Variants in IL1RAPL1 observed in about 807,000 individuals in gnomAD.
IL1RAPL1 encodes interleukin 1 receptor accessory protein like 1, also known as interleukin-1 receptor accessory protein-like 1.
IL1RAPL1 carries 3 observed loss-of-function variants against 48.4 expected under a neutral mutation model. The observed-to-expected ratio is 0.06, with a 90% CI of 0.03 to 0.16. The LOEUF is 0.16. IL1RAPL1 is among the 10% of genes least tolerant of loss of function. IL1RAPL1 has a pLI of 1.00. For synonymous variants in IL1RAPL1, 185 were observed against 187.7 expected, an observed-to-expected ratio of 0.99 and a Z score of 0.12; for missense variants, 349 against 530.6, an observed-to-expected ratio of 0.66 and a Z score of 3.36.
intron 2 of IL1RAPL1, among the ~76,000 whole-genome samples, chrX:29,058,476 G>T (rs73210013): frequency 8.9e-6 from 1 of 111,871 alleles, no homozygotes; most frequent in Non-Finnish European, 1.9e-5. Context: ...ATTATGAATT[G>T]CAGTTCCAAT....
At chrX:29,600,099 T>C (rs951416224) in intron 5 of IL1RAPL1, among the ~76,000 whole-genome samples, 1 of 111,967 alleles carries the variant, frequency 8.9e-6, no homozygotes, top group Non-Finnish European at 1.9e-5. Context: ...AAGAACCTTG[T>C]TTTGTCATAT....
chrX:29,490,633 A>T (rs970368115), intron 5 of IL1RAPL1, among the ~76,000 whole-genome samples: 4 of 111,945 alleles, frequency 3.6e-5, no homozygotes, highest in African/African-American at 1.3e-4. Flanking sequence ...GCTACAAAAT[A>T]GGAAAGACAT....
intron 2 of IL1RAPL1, among the ~76,000 whole-genome samples, chrX:29,202,192 G>A (rs1223025443): frequency 8.9e-6 from 1 of 111,810 alleles, no homozygotes; most frequent in East Asian, 2.8e-4. Context: ...CTATAAAAAA[G>A]TGGGCAAAGG....
chrX:28,897,116 G>A (rs113013546), intron 2 of IL1RAPL1, among the ~76,000 whole-genome samples: 6 of 109,380 alleles, frequency 5.5e-5, no homozygotes, highest in African/African-American at 2.0e-4. Context: ...AGTGAAGGAG[G>A]CAAGCCCAGA....
intron 2 of IL1RAPL1, among the ~76,000 whole-genome samples, chrX:29,213,632 A>G (rs1341590622): frequency 8.9e-6 from 1 of 112,757 alleles, no homozygotes; most frequent in Non-Finnish European, 1.9e-5. Flanking sequence ...CACTTGAGCC[A>G]CAGATGCTTC....
intron 1 of IL1RAPL1, among the ~76,000 whole-genome samples, chrX:28,779,872 C>A (rs1322088410): frequency 1.9e-5 from 2 of 107,667 alleles, no homozygotes; most frequent in Admixed American, 2.0e-4. Context: ...GAACTTTTGT[C>A]AAAGTTTTAT....
At chrX:29,444,212 C>T (rs1334450069) in intron 5 of IL1RAPL1, among the ~76,000 whole-genome samples, 2 of 109,572 alleles carry the variant, frequency 1.8e-5, no homozygotes, top group Admixed American at 1.9e-4. Flanking sequence ...TATGGTGGTG[C>T]ACACCTGTAG....
intron 6 of IL1RAPL1, among the ~76,000 whole-genome samples, chrX:29,671,806 C>T (rs1349423039): frequency 8.9e-6 from 1 of 112,154 alleles, no homozygotes. Flanking sequence ...AGAGCATATT[C>T]TATCGCTACC....
chrX:29,654,147 T>G (rs1376712535), intron 5 of IL1RAPL1, among the ~76,000 whole-genome samples: 3 of 109,007 alleles, frequency 2.8e-5, no homozygotes, highest in Non-Finnish European at 5.7e-5. Context: ...TAAAGTAGCT[T>G]TTCAATTTAA....
At chrX:29,196,376 C>T (rs769000605) in intron 2 of IL1RAPL1, among the ~76,000 whole-genome samples, 2 of 112,232 alleles carry the variant, frequency 1.8e-5, no homozygotes, top group African/African-American at 6.5e-5. Context: ...AAGTTCACAT[C>T]CTTGTAAAGC....
At chrX:29,457,557 C>T (rs1274153663) in intron 5 of IL1RAPL1, among the ~76,000 whole-genome samples, 2 of 111,773 alleles carry the variant, frequency 1.8e-5, no homozygotes, top group African/African-American at 3.3e-5. Flanking sequence ...CCATGGTGTA[C>T]CACATTTTCT....
At chrX:29,718,553 T>C (rs867906945) in intron 6 of IL1RAPL1, among the ~76,000 whole-genome samples, 1 of 102,358 alleles carries the variant, frequency 9.8e-6, no homozygotes, top group Non-Finnish European at 2.0e-5. Flanking sequence ...CATGTATACC[T>C]ATGTAACAAA....
At chrX:29,809,776 CTT>C (rs200768948) in intron 6 of IL1RAPL1, among the ~76,000 whole-genome samples, 20 of 94,718 alleles carry the variant, frequency 2.1e-4, no homozygotes, top group Admixed American at 3.5e-4. Flanking sequence ...AAGTCGTTAA[CTT>C]TTTTTTTTTT....
chrX:29,031,988 C>T (rs1031175653), intron 2 of IL1RAPL1, among the ~76,000 whole-genome samples: 2 of 111,928 alleles, frequency 1.8e-5, no homozygotes, highest in African/African-American at 6.5e-5. Flanking sequence ...GTACTACCTA[C>T]GTACCCACCT....
chrX:29,558,738 A>AT (rs1922088166), intron 5 of IL1RAPL1, among the ~76,000 whole-genome samples: 1 of 111,524 alleles, frequency 9.0e-6, no homozygotes, highest in Admixed American at 9.5e-5. Flanking sequence ...GTCCAATTTT[A>AT]TTTTTTTGAG....
intron 1 of IL1RAPL1, among the ~76,000 whole-genome samples, chrX:28,591,137 T>C: frequency 8.9e-6 from 1 of 111,841 alleles, no homozygotes; most frequent in East Asian, 2.8e-4. Context: ...GCCGCAGTCA[T>C]GTAGTTAGGT....
intron 5 of IL1RAPL1, among the ~76,000 whole-genome samples, chrX:29,547,784 A>C (rs1410570730): frequency 8.9e-6 from 1 of 112,156 alleles, no homozygotes; most frequent in Non-Finnish European, 1.9e-5. Context: ...ACGTGAAGCC[A>C]TAACAGTCAT....
intron 2 of IL1RAPL1, among the ~76,000 whole-genome samples, chrX:29,145,844 G>A (rs947286903): frequency 1.8e-5 from 2 of 111,704 alleles, no homozygotes; most frequent in Non-Finnish European, 3.8e-5. Context: ...AAATCCTATT[G>A]TCTGTACCTT....
chrX:28,697,091 G>C (rs1438146188), intron 1 of IL1RAPL1, among the ~76,000 whole-genome samples: 5 of 111,438 alleles, frequency 4.5e-5, no homozygotes, highest in Non-Finnish European at 9.5e-5. Context: ...AGATTGATCA[G>C]TTGTTGTTAC....
Sources: gnomAD v4.1 joint callset for allele counts (sites outside exome capture counted in the v4.1 genomes callset) on GRCh38, gnomAD v4.1.1 for gene constraint, MANE v1.5 for transcripts, NCBI Gene and HGNC (gene_info 2026-07-23, HGNC 2026-07-21) for gene names.